Variants in COL4A6 observed in about 807,000 individuals in gnomAD.
COL4A6 encodes the protein collagen alpha-6(IV) chain.
Under a neutral mutation model 126.7 loss-of-function variants are expected in COL4A6, and 59 were observed. The observed-to-expected ratio is 0.47, with a 90% CI of 0.38 to 0.58. The LOEUF is 0.58. Ranked by LOEUF, COL4A6 falls within the 20% of genes least tolerant of loss-of-function variation. The pLI is 0.00. For synonymous variants in COL4A6, 547 were observed against 496.6 expected (o/e 1.10, Z -1.35); for missense variants, 1,285 against 1,337.3 (o/e 0.96, Z 0.61).
At chrX:108,228,301 G>A (rs1249995343) in intron 3 of COL4A6, among the ~76,000 whole-genome samples, 2 of 112,137 alleles carry the variant, frequency 1.8e-5, no homozygotes, top group Non-Finnish European at 3.8e-5. Context: ...CTGCATTCAT[G>A]AAACTTATAG....
At chrX:108,161,055 A>T (rs2033916419) in intron 42 of COL4A6, among the ~76,000 whole-genome samples, 1 of 111,951 alleles carries the variant, frequency 8.9e-6, no homozygotes, top group Non-Finnish European at 1.9e-5. Context: ...AATCAGAGTC[A>T]TCGAAAGCAG....
intron 2 of COL4A6, among the ~76,000 whole-genome samples, chrX:108,322,476 C>T (rs1019717469): frequency 1.8e-5 from 2 of 112,104 alleles, no homozygotes; most frequent in African/African-American, 6.5e-5. Context: ...ATAAAAACAA[C>T]TGATGGCATC....
intron 3 of COL4A6, among the ~76,000 whole-genome samples, chrX:108,252,411 G>A (rs776146557): frequency 1.8e-5 from 2 of 111,383 alleles, no homozygotes; most frequent in African/African-American, 6.5e-5. Flanking sequence ...GATTCTATAT[G>A]TCGGGTATTG....
At chrX:108,275,707 A>G (rs1305951073) in intron 3 of COL4A6, among the ~76,000 whole-genome samples, 2 of 112,975 alleles carry the variant, frequency 1.8e-5, no homozygotes, top group Non-Finnish European at 3.7e-5. Flanking sequence ...TTGAAAGAAG[A>G]GGGGATGCAA....
chrX:108,383,452 A>G, intron 2 of COL4A6: 1 of 488,721 alleles, frequency 2.0e-6, no homozygotes, highest in Non-Finnish European at 3.8e-6. Context: ...TGCCTCCTAC[A>G]ATGAGTTTTG....
chrX:108,308,347 C>T (rs754942936), intron 3 of COL4A6, among the ~76,000 whole-genome samples: 4 of 111,936 alleles, frequency 3.6e-5, no homozygotes, highest in Non-Finnish European at 7.5e-5. Context: ...TTTAAAGGCT[C>T]CCCAACCCAA....
At chrX:108,211,574 C>G in intron 7 of COL4A6, 98 bp downstream of exon 7, 1 of 767,782 alleles carries the variant, frequency 1.3e-6, no homozygotes. Flanking sequence ...AATAGAGACA[C>G]AGATGCTAGT....
chrX:108,407,273 G>A (rs918979693), intron 2 of COL4A6, among the ~76,000 whole-genome samples: 2 of 112,130 alleles, frequency 1.8e-5, no homozygotes. Flanking sequence ...CTTCTTCAGA[G>A]GATATTAAGG....
chrX:108,267,201 C>T (rs1341847191), intron 3 of COL4A6, among the ~76,000 whole-genome samples: 1 of 111,944 alleles, frequency 8.9e-6, no homozygotes, highest in Non-Finnish European at 1.9e-5. Flanking sequence ...TCACCTAACA[C>T]CATTCTGACA....
At chrX:108,282,740 A>G (rs2037878121) in intron 3 of COL4A6, among the ~76,000 whole-genome samples, 1 of 108,213 alleles carries the variant, frequency 9.2e-6, no homozygotes, top group African/African-American at 3.4e-5. Flanking sequence ...AAGACTTGGA[A>G]CCAACCCAAA....
intron 17 of COL4A6, 126 bp downstream of exon 17, chrX:108,193,502 G>T (rs1435219478): frequency 1.8e-6 from 1 of 548,638 alleles, no homozygotes; most frequent in African/African-American, 2.4e-5. Context: ...AGCCATGAGG[G>T]GCTCTTGGGT....
chrX:108,317,090 T>C (rs1423770118), intron 2 of COL4A6, among the ~76,000 whole-genome samples: 1 of 112,357 alleles, frequency 8.9e-6, no homozygotes. Context: ...TTGCGGTAGT[T>C]CAGCAGGATG....
At chrX:108,419,631 G>A (rs2148266084) in intron 2 of COL4A6, among the ~76,000 whole-genome samples, 1 of 111,902 alleles carries the variant, frequency 8.9e-6, no homozygotes, top group East Asian at 2.8e-4. Context: ...CAGAAAACCT[G>A]AGTTCTAGTT....
intron 3 of COL4A6, among the ~76,000 whole-genome samples, chrX:108,257,071 G>A (rs765220633): frequency 1.8e-5 from 2 of 111,698 alleles, no homozygotes; most frequent in African/African-American, 3.2e-5. Flanking sequence ...AAAGAAAGAC[G>A]AACCAAGGCA....
intron 3 of COL4A6, among the ~76,000 whole-genome samples, chrX:108,238,034 ATATCTATCTATCTATC>A (rs59088315): frequency 1.5e-3 from 131 of 86,490 alleles, no homozygotes; most frequent in South Asian, 6.6e-3. Context: ...TCACCTCTCT[ATATCTATCTATCTATC>A]TATCTATCTA....
chrX:108,196,678 TC>T lies in COL4A6; in HGVS notation c.835-100del, dbSNP rs762122790. The T allele has an allele frequency of 4.2e-4, 284 of 669,126 alleles. 1 individual carries two copies. The African/African-American group carries it at 5.6e-3, about 13-fold the overall frequency. 55.1% of individuals were successfully genotyped at this position (669,126 alleles called of 1,213,427 possible). A position where few individuals can be genotyped will look rare whatever the true frequency, so the allele number is the denominator to read the frequency against. On this transcript the variant is annotated intron_variant, in intron 13 of 44. Transcript: ENST00000334504. ...AGGCTATTTTAATTAAGCTCCACTCTCCCCTTAGGGAGGCTCACCATGCTGT... is the reference window on the plus strand; with the variant it reads ...AGGCTATTTTAATTAAGCTCCACTCTCCCTTAGGGAGGCTCACCATGCTGT...
At chrX:108,247,920 C>A (rs1462665741) in intron 3 of COL4A6, among the ~76,000 whole-genome samples, 1 of 111,471 alleles carries the variant, frequency 9.0e-6, no homozygotes, top group East Asian at 2.8e-4. Context: ...AGGTCCATAG[C>A]CCACTCCTTT....
chrX:108,321,497 C>G (rs1479716296), intron 2 of COL4A6, among the ~76,000 whole-genome samples: 1 of 111,276 alleles, frequency 9.0e-6, no homozygotes, highest in African/African-American at 3.3e-5. Context: ...CTACTTACTT[C>G]ACAATATTAT....
At position 108,204,670 on chromosome X, in the gene COL4A6, T is replaced by C. The variant is rs767481647; in HGVS notation, c.688-258A>G. 9.5e-6 allele frequency: 4 copies of C among 422,799 alleles called. No homozygotes were observed. The Admixed American group carries it at 1.0e-4, about 11-fold the overall frequency. The allele number at this position is 422,799 out of a possible 1,213,427, so 34.8% of individuals were successfully genotyped here. On this transcript the variant is annotated intron_variant, in intron 11 of 44. Coordinates refer to ENST00000334504, the MANE Select transcript of COL4A6 (RefSeq NM_033641.4). ...GGAAACTTTAAGTTCATGGTTGCTA[T>C]GAAAGGATGTTTAGAAGAGATTAAA...
Sources: allele counts gnomAD v4.1 joint callset (sites outside exome capture counted in the v4.1 genomes callset), GRCh38; gene constraint gnomAD v4.1.1; transcripts MANE v1.5; gene names NCBI Gene and HGNC (gene_info 2026-07-23, HGNC 2026-07-21).